The following LRRC37A2 variants were observed in gnomAD, a reference collection of about 807,000 sequenced individuals.
LRRC37A2 encodes leucine-rich repeat-containing protein 37A2.
Under a neutral mutation model 68.8 loss-of-function variants are expected in LRRC37A2, and 9 were observed. The observed-to-expected ratio is 0.13, with a 90% CI of 0.08 to 0.23. The LOEUF (loss-of-function observed/expected upper bound fraction) is 0.23, where lower values mean the gene tolerates loss of function less well. Among genes scored for constraint, LRRC37A2 ranks in the 10% least tolerant of loss-of-function variants. The probability of loss-of-function intolerance (pLI) is 1.00; values close to 1 mark genes in which losing one functional copy is unlikely to be tolerated. For synonymous variants in LRRC37A2, 63 were observed against 367.6 expected (o/e 0.17, Z 9.48); for missense variants, 168 against 950.4 (o/e 0.18, Z 10.82).
the LRRC37A2 span, among the ~76,000 whole-genome samples, chr17:46,843,937 T>A: frequency 6.6e-6 from 1 of 152,256 alleles, no homozygotes; most frequent in African/African-American, 2.4e-5. Context: ...CTGAATATTA[T>A]GTATTCATAC....
the LRRC37A2 span, among the ~76,000 whole-genome samples, chr17:46,707,269 T>C: frequency 6.6e-6 from 1 of 152,260 alleles, no homozygotes; most frequent in African/African-American, 2.4e-5. Context: ...ACCATATGCA[T>C]GTATTGTGTG....
At chr17:46,840,763 C>T in the LRRC37A2 span, among the ~76,000 whole-genome samples, 1 of 152,192 alleles carries the variant, frequency 6.6e-6, no homozygotes, top group African/African-American at 2.4e-5. Flanking sequence ...TGATGATGAG[C>T]ATTTTTTCAT....
At chr17:46,810,861 G>T in the LRRC37A2 span, among the ~76,000 whole-genome samples, 1 of 152,214 alleles carries the variant, frequency 6.6e-6, no homozygotes, top group Admixed American at 6.5e-5. Flanking sequence ...TCAAGATGGT[G>T]GCAGAGCCAG....
the LRRC37A2 span, among the ~76,000 whole-genome samples, chr17:46,580,081 AC>A: frequency 2.0e-5 from 3 of 149,740 alleles, no homozygotes; most frequent in East Asian, 6.1e-4. Flanking sequence ...AAGGAAATTT[AC>A]CGCGGTTGAG....
the LRRC37A2 span, chr17:46,940,262 G>A: frequency 7.0e-7 from 1 of 1,424,974 alleles, no homozygotes; most frequent in Admixed American, 2.9e-5. Context: ...TCGGTTGGAG[G>A]AGATCTCCAT....
the LRRC37A2 span, chr17:46,975,157 TGTC>T: frequency 6.6e-6 from 1 of 152,160 alleles, no homozygotes; most frequent in Non-Finnish European, 1.5e-5. Flanking sequence ...AAACACATCA[TGTC>T]GTGAAAGCTA....
At chr17:46,978,722 C>CG in the LRRC37A2 span, 1 of 1,612,208 alleles carries the variant, frequency 6.2e-7, no homozygotes, top group Non-Finnish European at 8.5e-7. Flanking sequence ...ATCATGCTCT[C>CG]GGACTTGATG....
the LRRC37A2 span, among the ~76,000 whole-genome samples, chr17:46,712,477 G>A: frequency 6.6e-6 from 1 of 152,148 alleles, no homozygotes; most frequent in Non-Finnish European, 1.5e-5. Context: ...CCCGATAAAT[G>A]GTGCTGTTTA....
At chr17:46,442,005 G>A in the LRRC37A2 span, among the ~76,000 whole-genome samples, 2 of 85,214 alleles carry the variant, frequency 2.3e-5, no homozygotes, top group African/African-American at 6.4e-5. Flanking sequence ...TCCTAGAACT[G>A]CGGCTACAAT....
At chr17:46,854,417 T>C in the LRRC37A2 span, among the ~76,000 whole-genome samples, 3 of 148,426 alleles carry the variant, frequency 2.0e-5, no homozygotes, top group Non-Finnish European at 4.4e-5. Context: ...AGGCCGATCT[T>C]CTTGGGCTCT....
chr17:46,821,407 C>T, the LRRC37A2 span, among the ~76,000 whole-genome samples: 1 of 152,206 alleles, frequency 6.6e-6, no homozygotes, highest in African/African-American at 2.4e-5. Flanking sequence ...CTTGCGCTGC[C>T]GCGGGTGGAA....
the LRRC37A2 span, among the ~76,000 whole-genome samples, chr17:46,746,496 C>T: frequency 1.3e-4 from 20 of 152,146 alleles, no homozygotes; most frequent in African/African-American, 3.4e-4. Flanking sequence ...AATCTTTTCC[C>T]GATAGCCCAT....
chr17:46,898,857 T>G, the LRRC37A2 span, among the ~76,000 whole-genome samples: 1 of 152,198 alleles, frequency 6.6e-6, no homozygotes, highest in East Asian at 1.9e-4. Context: ...GGTCTGGCAG[T>G]TCCTCAAAAT....
At chr17:46,783,296 G>A in the LRRC37A2 span, among the ~76,000 whole-genome samples, 1 of 152,218 alleles carries the variant, frequency 6.6e-6, no homozygotes, top group Non-Finnish European at 1.5e-5. Context: ...TGTCAAGACT[G>A]GGGCCTGGTG....
At chr17:46,788,707 C>T in the LRRC37A2 span, among the ~76,000 whole-genome samples, 1 of 152,208 alleles carries the variant, frequency 6.6e-6, no homozygotes, top group African/African-American at 2.4e-5. Flanking sequence ...CATGTAGAAT[C>T]TAGCACCTGC....
chr17:46,463,866 C>A, the LRRC37A2 span, among the ~76,000 whole-genome samples: 44 of 87,778 alleles, frequency 5.0e-4, no homozygotes, highest in South Asian at 9.9e-4. Flanking sequence ...ATCCCGTCTT[C>A]AAAAAAAAAA....
At chr17:46,814,721 C>T in the LRRC37A2 span, among the ~76,000 whole-genome samples, 4 of 152,230 alleles carry the variant, frequency 2.6e-5, no homozygotes, top group African/African-American at 4.8e-5. Context: ...CTTCCTCCCC[C>T]GCAGTCTCCA....
the LRRC37A2 span, among the ~76,000 whole-genome samples, chr17:46,805,266 T>C: frequency 6.6e-6 from 1 of 151,738 alleles, no homozygotes; most frequent in African/African-American, 2.4e-5. Context: ...AGGGAGATGC[T>C]ATCTCTACAA....
the LRRC37A2 span, chr17:46,931,484 C>A: frequency 2.0e-6 from 1 of 498,012 alleles, no homozygotes; most frequent in South Asian, 2.4e-5. Flanking sequence ...TGACTAGATC[C>A]ATAGCCACCT....
Sources: allele counts gnomAD v4.1 joint callset (sites outside exome capture counted in the v4.1 genomes callset), GRCh38; gene constraint gnomAD v4.1.1; transcripts MANE v1.5; gene names NCBI Gene and HGNC (gene_info 2026-07-23, HGNC 2026-07-21).